NPAS2: variants seen among roughly 807,000 people sequenced by gnomAD.
The protein encoded by NPAS2 is neuronal PAS domain-containing protein 2.
NPAS2 carries 23 observed loss-of-function variants against 107.5 expected under a neutral mutation model. That is an observed-to-expected ratio of 0.21 (90% CI 0.15 to 0.30). The LOEUF (loss-of-function observed/expected upper bound fraction) is 0.30. Ranked by LOEUF, NPAS2 falls within the 10% of genes least tolerant of loss-of-function variation. The pLI, the probability that NPAS2 is intolerant of heterozygous loss-of-function variation, is 1.00. For synonymous variants in NPAS2, 403 were observed against 417.5 expected, an observed-to-expected ratio of 0.97 and a Z score of 0.42; for missense variants, 756 against 1,043.3, an observed-to-expected ratio of 0.72 and a Z score of 3.79.
intron 3 of NPAS2, among the ~76,000 whole-genome samples, chr2:100,932,393 G>C (rs1457460716): frequency 6.6e-6 from 1 of 152,224 alleles, no homozygotes; most frequent in South Asian, 2.1e-4. Context: ...ATAGCACGCT[G>C]TATTTCAGTA....
chr2:100,982,452 C>T lies in NPAS2; in HGVS notation c.1629+75C>T. ...GGTCCTGCCGCCATTTCCGGGCAGC[C>T]AGGACTTCCTCCCAAGCCCTGTGAA... On this transcript the variant is annotated intron_variant, in intron 16 of 20. Transcript: ENST00000335681. 5.2e-6 allele frequency: 8 copies of T among 1,549,538 alleles called. No homozygotes were observed. The South Asian group carries it at 9.5e-5, about 18-fold the overall frequency.
At chr2:100,841,695 A>C (rs1677411226) in intron 1 of NPAS2, among the ~76,000 whole-genome samples, 2 of 152,122 alleles carry the variant, frequency 1.3e-5, no homozygotes, top group Admixed American at 1.3e-4. Flanking sequence ...ACACAAATAC[A>C]TTTACACATA....
intron 1 of NPAS2, among the ~76,000 whole-genome samples, chr2:100,845,355 C>A (rs1295856692): frequency 6.6e-6 from 1 of 152,188 alleles, no homozygotes; most frequent in Non-Finnish European, 1.5e-5. Context: ...AGATGAGGGG[C>A]TGGCTTCCTG....
rs1207766132 is a variant in NPAS2 at position 100,925,308 on chromosome 2, TTC to T, written c.181+20_181+21del. 3 of 1,613,008 alleles carry T rather than the reference TTC, an allele frequency of 1.9e-6. No individual in the cohort carries two copies. The highest frequency in any genetic ancestry group is 1.1e-5 in the South Asian group (1 of 90,912). Reference sequence around the variant, plus strand: ...AGAAACACAATGGTAAAGGTCACCCTTCTCTCTGTTTTTTTTCCACCCTGCCC... The same window carrying T: ...AGAAACACAATGGTAAAGGTCACCCTTCTCTGTTTTTTTTCCACCCTGCCC... On this transcript the variant is annotated intron_variant, in intron 3 of 20. Coordinates refer to ENST00000335681, the MANE Select transcript of NPAS2 (RefSeq NM_002518.4).
Position 100,977,737 on chromosome 2 carries a change from G to A in NPAS2, c.1420G>A (p.Asp474Asn), listed in dbSNP as rs764579373. 1.2e-5 allele frequency: 20 copies of A among 1,613,938 alleles called. No individual in the cohort carries two copies. The highest frequency in any genetic ancestry group is 5.5e-5 in the South Asian group (5 of 91,070). Residue 474 changes from aspartate to asparagine, a missense_variant, in exon 15 of 21, where the codon GAC becomes AAC. Coordinates refer to ENST00000335681, the MANE Select transcript of NPAS2 (RefSeq NM_002518.4). ...CCCTCTGCCTTCCCCATCGTCCTGCGACCTCACACAGCAGCTCCTGCCTCA... is the reference window on the plus strand; with the variant it reads ...CCCTCTGCCTTCCCCATCGTCCTGCAACCTCACACAGCAGCTCCTGCCTCA... ...PAPLPSPSSC[D>N]LTQQLLPQTV...
intron 7 of NPAS2, among the ~76,000 whole-genome samples, chr2:100,963,408 T>G (rs1016746767): frequency 1.3e-5 from 2 of 151,788 alleles, no homozygotes; most frequent in Non-Finnish European, 2.9e-5. Context: ...TGTTTTGTTT[T>G]GTTTTGTTTT....
At chr2:100,841,580 GC>G (rs1677403196) in intron 1 of NPAS2, among the ~76,000 whole-genome samples, 1 of 152,144 alleles carries the variant, frequency 6.6e-6, no homozygotes, top group Non-Finnish European at 1.5e-5. Context: ...GTGTAAAGTG[GC>G]CAGAGGGGCT....
intron 1 of NPAS2, among the ~76,000 whole-genome samples, chr2:100,892,096 C>G (rs1318205681): frequency 6.6e-6 from 1 of 152,212 alleles, no homozygotes; most frequent in Admixed American, 6.5e-5. Flanking sequence ...CAGGTTTACA[C>G]TGTGCCATCC....
intron 1 of NPAS2, among the ~76,000 whole-genome samples, chr2:100,890,632 C>T (rs1429156012): frequency 1.3e-5 from 2 of 152,060 alleles, no homozygotes; most frequent in Non-Finnish European, 2.9e-5. Flanking sequence ...ATTCCTTCTG[C>T]TTGCATGCCT....
rs1553444263 is a variant in NPAS2 at position 100,854,154 on chromosome 2, T to TCAA, written c.-23+33744_-23+33746dup. ...AACAGGCTTTTGGACATAGCCTGCC[T>TCAA]CAACAAAAAAAAAAAAAAAAAAAAA... On this transcript the variant is annotated intron_variant, in intron 1 of 20. Transcript: ENST00000335681. Among the ~76,000 whole-genome samples, 29 of 47,970 alleles carry TCAA rather than the reference T, an allele frequency of 6.0e-4. 2 individuals carry two copies. The highest frequency in any genetic ancestry group is 1.6e-3 in the South Asian group (2 of 1,236). 31.5% of individuals were successfully genotyped at this position (47,970 alleles called of 152,430 possible). A position where few individuals can be genotyped will look rare whatever the true frequency, so the allele number is the denominator to read the frequency against.
intron 1 of NPAS2, among the ~76,000 whole-genome samples, chr2:100,887,492 G>A (rs915049012): frequency 1.3e-5 from 2 of 152,132 alleles, no homozygotes; most frequent in African/African-American, 2.4e-5. Flanking sequence ...TCATGCAGGC[G>A]AGCTGGGAGG....
chr2:100,878,309 T>G, intron 1 of NPAS2: 1 of 985,434 alleles, frequency 1.0e-6, no homozygotes, highest in Non-Finnish European at 1.2e-6. Flanking sequence ...CCCTGACATT[T>G]CTGCCTAAGC....
chr2:100,995,047 C>T (rs774903880), intron 20 of NPAS2: 26 of 261,112 alleles, frequency 1.0e-4, no homozygotes, highest in Non-Finnish European at 1.7e-4. Flanking sequence ...CAACTACCTG[C>T]ATGTGGCCTC....
At chr2:100,890,667 G>C (rs905432733) in intron 1 of NPAS2, among the ~76,000 whole-genome samples, 1 of 152,074 alleles carries the variant, frequency 6.6e-6, no homozygotes, top group Non-Finnish European at 1.5e-5. Flanking sequence ...TGAATTGCAT[G>C]ATACAGTGAC....
chr2:100,964,489 T>C (rs1300792151), intron 8 of NPAS2, among the ~76,000 whole-genome samples: 1 of 152,212 alleles, frequency 6.6e-6, no homozygotes, highest in African/African-American at 2.4e-5. Context: ...GAACCGAGTG[T>C]TGGAGCGCTG....
chr2:100,937,633 G>A, intron 4 of NPAS2, 120 bp from the exon 5 acceptor site: 1 of 772,678 alleles, frequency 1.3e-6, no homozygotes, highest in African/African-American at 1.7e-5. Flanking sequence ...GGTTATTCAT[G>A]GAAATATTCT....
chr2:100,902,156 G>C (rs1175066827), intron 1 of NPAS2, among the ~76,000 whole-genome samples: 1 of 151,994 alleles, frequency 6.6e-6, no homozygotes. Flanking sequence ...AAACTTCTCT[G>C]TGATTCCTTT....
intron 7 of NPAS2, among the ~76,000 whole-genome samples, chr2:100,961,632 G>C (rs1210973623): frequency 6.6e-6 from 1 of 152,156 alleles, no homozygotes; most frequent in Admixed American, 6.5e-5. Flanking sequence ...GGGGCAGCCA[G>C]GCCAACAGTA....
rs756951778 is a variant in NPAS2 at position 100,971,094 on chromosome 2, A to T, written c.1140+20A>T. 1.9e-6 allele frequency: 3 copies of T among 1,610,630 alleles called. No homozygotes were observed. The highest frequency in any genetic ancestry group is 2.5e-6 in the Non-Finnish European group (3 of 1,177,212). On this transcript the variant is annotated intron_variant, in intron 12 of 20. Transcript: ENST00000335681. ...CTAAAGGTACGCCCATCCCTGCCAGATGGATACGGCAAAGGTTGGCTAGGA... is the reference window on the plus strand; with the variant it reads ...CTAAAGGTACGCCCATCCCTGCCAGTTGGATACGGCAAAGGTTGGCTAGGA...
Sources: allele counts gnomAD v4.1 joint callset (sites outside exome capture counted in the v4.1 genomes callset), GRCh38; gene constraint gnomAD v4.1.1; transcripts MANE v1.5; gene names NCBI Gene and HGNC (gene_info 2026-07-23, HGNC 2026-07-21).